Variants in GRIA1 observed in about 807,000 individuals in gnomAD.
GRIA1 encodes the protein glutamate receptor 1.
GRIA1 carries 31 observed loss-of-function variants against 99.2 expected under a neutral mutation model. The observed-to-expected ratio is 0.31, with a 90% confidence interval of 0.23 to 0.42. The LOEUF (loss-of-function observed/expected upper bound fraction) is 0.42. Ranked by LOEUF, GRIA1 falls within the 10% of genes least tolerant of loss-of-function variation. The pLI, the probability that GRIA1 is intolerant of heterozygous loss-of-function variation, is 1.00. For missense variants in GRIA1, 782 were observed against 1,157.5 expected (o/e 0.68, Z 4.71); for synonymous variants, 438 against 432.4 (o/e 1.01, Z -0.16).
At chr5:153,733,414 A>G (rs1761174421) in intron 11 of GRIA1, among the ~76,000 whole-genome samples, 1 of 152,142 alleles carries the variant, frequency 6.6e-6, no homozygotes, top group Non-Finnish European at 1.5e-5. Flanking sequence ...GCATACCACT[A>G]CAGAAAATCA....
intron 8 of GRIA1, among the ~76,000 whole-genome samples, chr5:153,696,606 A>G (rs1430315605): frequency 6.6e-6 from 1 of 152,206 alleles, no homozygotes; most frequent in Non-Finnish European, 1.5e-5. Context: ...GGAACTGGGA[A>G]AGACATGAAG....
chr5:153,805,789 C>T (rs1266793673), intron 15 of GRIA1, among the ~76,000 whole-genome samples: 1 of 152,178 alleles, frequency 6.6e-6, no homozygotes, highest in Non-Finnish European at 1.5e-5. Flanking sequence ...CATTCTCACC[C>T]TTCCCTTTAC....
chr5:153,713,752 C>G (rs553461668), intron 11 of GRIA1, among the ~76,000 whole-genome samples: 1 of 152,154 alleles, frequency 6.6e-6, no homozygotes, highest in African/African-American at 2.4e-5. Context: ...TTTTAATTGA[C>G]GGAGAGATTT....
chr5:153,609,192 G>T (rs1420647031), intron 2 of GRIA1, among the ~76,000 whole-genome samples: 1 of 152,080 alleles, frequency 6.6e-6, no homozygotes, highest in Admixed American at 6.5e-5. Flanking sequence ...TATCCCCAAG[G>T]TGCAAGCAGC....
intron 2 of GRIA1, among the ~76,000 whole-genome samples, chr5:153,523,924 G>A (rs1757380356): frequency 6.6e-6 from 1 of 152,202 alleles, no homozygotes; most frequent in Admixed American, 6.5e-5. Context: ...GCTTTGAAAA[G>A]TAAAGTTCTT....
chr5:153,654,950 C>T (rs186619382), intron 4 of GRIA1, among the ~76,000 whole-genome samples: 4 of 152,290 alleles, frequency 2.6e-5, no homozygotes, highest in Admixed American at 2.6e-4. Context: ...GCAGTTCTTT[C>T]CACAAATATT....
At chr5:153,704,515 A>G (rs1206666940) in intron 10 of GRIA1, among the ~76,000 whole-genome samples, 1 of 152,202 alleles carries the variant, frequency 6.6e-6, no homozygotes, top group Non-Finnish European at 1.5e-5. Flanking sequence ...CTAAGGATGA[A>G]TATTTCTTGC....
chr5:153,659,551 C>A (rs1755206435), intron 5 of GRIA1, among the ~76,000 whole-genome samples: 1 of 152,152 alleles, frequency 6.6e-6, no homozygotes, highest in Non-Finnish European at 1.5e-5. Flanking sequence ...TAGTTCTTAT[C>A]TTTGTGACTC....
chr5:153,568,427 T>A (rs769124947), intron 2 of GRIA1, among the ~76,000 whole-genome samples: 4 of 152,160 alleles, frequency 2.6e-5, no homozygotes, highest in Non-Finnish European at 5.9e-5. Context: ...TTAGTATGCA[T>A]GTTAAAGCTT....
At chr5:153,512,736 C>T (rs1211782393) in intron 2 of GRIA1, among the ~76,000 whole-genome samples, 1 of 152,194 alleles carries the variant, frequency 6.6e-6, no homozygotes, top group Non-Finnish European at 1.5e-5. Context: ...TTGTTCTCTC[C>T]AGCATCCGTT....
chr5:153,518,184 C>T (rs547371692), intron 2 of GRIA1, among the ~76,000 whole-genome samples: 113 of 152,344 alleles, frequency 7.4e-4, no homozygotes, highest in Middle Eastern at 3.4e-3. Flanking sequence ...TCTTCCAGCA[C>T]TTCAACATCC....
intron 2 of GRIA1, 39 bp from the exon 3 acceptor site, chr5:153,646,889 T>C (rs1754191378): frequency 1.2e-6 from 2 of 1,605,616 alleles, no homozygotes; most frequent in Admixed American, 3.4e-5. Context: ...GACCACTTTT[T>C]GCAGTCTTCT....
intron 15 of GRIA1, among the ~76,000 whole-genome samples, chr5:153,808,628 G>A (rs537606944): frequency 6.6e-6 from 1 of 152,286 alleles, no homozygotes; most frequent in South Asian, 2.1e-4. Context: ...ATAGGATTCA[G>A]GCATCAGGGT....
intron 2 of GRIA1, among the ~76,000 whole-genome samples, chr5:153,590,707 A>G (rs532513762): frequency 1.9e-4 from 29 of 152,336 alleles, no homozygotes; most frequent in African/African-American, 7.0e-4. Context: ...TTTGTGAAAC[A>G]AGGGCATCCT....
chr5:153,797,307 C>T (rs1765709741), intron 14 of GRIA1, among the ~76,000 whole-genome samples: 1 of 152,224 alleles, frequency 6.6e-6, no homozygotes, highest in South Asian at 2.1e-4. Flanking sequence ...CGACATACAA[C>T]AGTTATCCAT....
At chr5:153,775,995 T>A (rs1374699773) in intron 13 of GRIA1, among the ~76,000 whole-genome samples, 1 of 152,148 alleles carries the variant, frequency 6.6e-6, no homozygotes, top group Admixed American at 6.6e-5. Flanking sequence ...TTGGCTGCGG[T>A]CATATTGTGA....
At chr5:153,522,415 G>C (rs1293924232) in intron 2 of GRIA1, among the ~76,000 whole-genome samples, 1 of 152,190 alleles carries the variant, frequency 6.6e-6, no homozygotes, top group African/African-American at 2.4e-5. Context: ...ATTGAACTCA[G>C]GTGGTCTGAC....
intron 14 of GRIA1, among the ~76,000 whole-genome samples, chr5:153,798,021 T>C (rs190344978): frequency 2.2e-3 from 331 of 152,200 alleles, no homozygotes; most frequent in Middle Eastern, 3.4e-3. Flanking sequence ...GTTTTGGGGG[T>C]GGGGACAAGT....
intron 7 of GRIA1, among the ~76,000 whole-genome samples, chr5:153,678,436 A>G (rs1320559088): frequency 1.3e-5 from 2 of 152,144 alleles, no homozygotes; most frequent in Non-Finnish European, 2.9e-5. Flanking sequence ...CATGCTAAGG[A>G]GGACCTCCAG....
Sources: gnomAD v4.1 joint callset for allele counts (sites outside exome capture counted in the v4.1 genomes callset) on GRCh38, gnomAD v4.1.1 for gene constraint, MANE v1.5 for transcripts, NCBI Gene and HGNC (gene_info 2026-07-23, HGNC 2026-07-21) for gene names.